Variants in RBMS1 observed in about 807,000 individuals in gnomAD.
RBMS1 encodes the protein RNA-binding motif, single-stranded-interacting protein 1.
A neutral mutation model predicts 62.3 loss-of-function variants in RBMS1; 17 were observed. The ratio of observed to expected loss-of-function variants is 0.27; its 90% CI spans 0.19 to 0.41. RBMS1 has a LOEUF of 0.41. Among genes scored for constraint, RBMS1 ranks in the 10% least tolerant of loss-of-function variants. RBMS1 has a pLI of 1.00. For synonymous variants in RBMS1, 172 were observed against 170.0 expected (o/e 1.01, Z -0.09); for missense variants, 334 against 504.5 (o/e 0.66, Z 3.24).
At chr2:160,456,705 T>C (rs548965484) in intron 1 of RBMS1, among the ~76,000 whole-genome samples, 2 of 152,368 alleles carry the variant, frequency 1.3e-5, no homozygotes, top group South Asian at 4.1e-4. Flanking sequence ...GAGCTGTTCC[T>C]ATTTCTTATA....
At position 160,300,674 on chromosome 2, in the gene RBMS1, A is replaced by G; in HGVS notation, c.617T>C (p.Ile206Thr). Residue 206 changes from isoleucine (I) to threonine (T), a missense_variant, in exon 6 of 14, where the codon ATT becomes ACT. Around this residue, in one of 3 missense-constraint regions of RBMS1, gnomAD observed 182 missense variants for 257.7 expected, o/e 0.71. Coordinates refer to ENST00000348849, the MANE Select transcript of RBMS1 (RefSeq NM_016836.4). Reference protein sequence around the residue: ...AVIGHFNGKFIKTPPGVSAPT... With the variant: ...AVIGHFNGKFTKTPPGVSAPT... ...ACCAGAAACTCCTGGTGGTGTCTTAATAAATTTTCCATTAAAATGACCAAT... is the reference window on the plus strand; with the variant it reads ...ACCAGAAACTCCTGGTGGTGTCTTAGTAAATTTTCCATTAAAATGACCAAT... The G allele has an allele frequency of 6.2e-7, 1 of 1,603,450 alleles. No individual in the cohort carries two copies. The highest frequency in any genetic ancestry group is 8.5e-7 in the Non-Finnish European group (1 of 1,175,886).
At chr2:160,335,677 A>T (rs1364463209) in intron 2 of RBMS1, among the ~76,000 whole-genome samples, 2 of 152,210 alleles carry the variant, frequency 1.3e-5, no homozygotes, top group Non-Finnish European at 2.9e-5. Context: ...TAGTCATGCC[A>T]ATTAAAAACT....
intron 1 of RBMS1, among the ~76,000 whole-genome samples, 154 bp downstream of exon 1, chr2:160,493,135 G>A (rs1574128973): frequency 6.6e-6 from 1 of 151,890 alleles, no homozygotes; most frequent in African/African-American, 2.4e-5. Flanking sequence ...GCGCCGCCCG[G>A]CTCTGCCCAG....
chr2:160,343,005 C>T (rs1464079811), intron 2 of RBMS1, among the ~76,000 whole-genome samples: 2 of 151,986 alleles, frequency 1.3e-5, no homozygotes, highest in African/African-American at 4.8e-5. Flanking sequence ...AATAAGGGAC[C>T]TATGAAGCCA....
rs1158075311 is a variant in RBMS1 at position 160,449,883 on chromosome 2, TGCTAAATGTG to T, written c.75+43396_75+43405del. 3.9e-5 allele frequency among the ~76,000 whole-genome samples: 6 copies of T among 152,230 alleles called. No homozygotes were observed. In the East Asian group the frequency reaches 1.2e-3, roughly 29 times the overall value. On this transcript the variant is annotated intron_variant, in intron 1 of 13. Transcript: ENST00000348849. ...TGGAAAGAATACCTGCCCTGCTTGG[TGCTAAATGTG>T]GCTCTCCCCTTCACCAAAGCTCATT...
At chr2:160,306,930 C>T (rs1337534389) in intron 4 of RBMS1, among the ~76,000 whole-genome samples, 1 of 152,076 alleles carries the variant, frequency 6.6e-6, no homozygotes. Flanking sequence ...AACACTTATT[C>T]TTTCAATTAT....
chr2:160,414,294 AGTTTTTTT>A (rs1427961211), intron 1 of RBMS1, among the ~76,000 whole-genome samples: 23 of 152,144 alleles, frequency 1.5e-4, no homozygotes, highest in South Asian at 8.3e-4. Flanking sequence ...TCTTTAAACC[AGTTTTTTT>A]GTTTTTTTGT....
chr2:160,449,341 T>C (rs1559564492), intron 1 of RBMS1, among the ~76,000 whole-genome samples: 2 of 152,188 alleles, frequency 1.3e-5, no homozygotes, highest in South Asian at 2.1e-4. Flanking sequence ...CAACAGCTCA[T>C]TGAGAATGGG....
chr2:160,323,868 C>G (rs1690735089), intron 2 of RBMS1, among the ~76,000 whole-genome samples: 1 of 152,156 alleles, frequency 6.6e-6, no homozygotes, highest in South Asian at 2.1e-4. Flanking sequence ...CCCAAGTGAG[C>G]TTGGCTAATA....
chr2:160,478,251 A>G (rs1036757315), intron 1 of RBMS1, among the ~76,000 whole-genome samples: 15 of 152,222 alleles, frequency 9.9e-5, no homozygotes, highest in African/African-American at 3.1e-4. Flanking sequence ...TCGAGAATTC[A>G]CCAGTTATGG....
chr2:160,333,422 G>C (rs1329554748), intron 2 of RBMS1, among the ~76,000 whole-genome samples: 1 of 152,070 alleles, frequency 6.6e-6, no homozygotes, highest in African/African-American at 2.4e-5. Context: ...GTTTTACCTG[G>C]GTCAGCCCCC....
chr2:160,308,258 G>C (rs1406691487), intron 4 of RBMS1, among the ~76,000 whole-genome samples: 1 of 152,042 alleles, frequency 6.6e-6, no homozygotes, highest in Admixed American at 6.5e-5. Flanking sequence ...AGCCAGGTGT[G>C]GTAGTGCGTG....
chr2:160,423,369 A>C (rs1045962254), intron 1 of RBMS1, among the ~76,000 whole-genome samples: 4 of 59,730 alleles, frequency 6.7e-5, no homozygotes, highest in Non-Finnish European at 1.0e-4. Context: ...TCTAAAAAAA[A>C]GCGGGGTGGG....
intron 6 of RBMS1, among the ~76,000 whole-genome samples, chr2:160,294,201 A>T (rs758529651): frequency 6.6e-6 from 1 of 152,252 alleles, no homozygotes; most frequent in Non-Finnish European, 1.5e-5. Flanking sequence ...TTTTTCCCCC[A>T]ACAAACTATA....
chr2:160,351,685 T>A (rs1269113505), intron 2 of RBMS1, among the ~76,000 whole-genome samples: 6 of 152,142 alleles, frequency 3.9e-5, no homozygotes, highest in Non-Finnish European at 1.5e-5. Context: ...CTGTTGTGCA[T>A]CCACTAATTT....
rs1690337597 is a variant in RBMS1 at position 160,318,229 on chromosome 2, T to TAAAAAAAAAAAAAAAAAAAAAAGA, written c.252-3_252-2insTCTTTTTTTTTTTTTTTTTTTTTT. 1.7e-6 allele frequency: 2 copies of TAAAAAAAAAAAAAAAAAAAAAAGA among 1,164,712 alleles called. No homozygotes were observed. Among genetic ancestry groups the TAAAAAAAAAAAAAAAAAAAAAAGA allele is most frequent in the Non-Finnish European group, 2.1e-6 (2 of 930,716 alleles). The allele number at this position is 1,164,712 out of a possible 1,614,324, so 72.1% of individuals were successfully genotyped here. On this transcript the variant is annotated splice_polypyrimidine_tract_variant and splice_region_variant and intron_variant, in intron 2 of 13. Coordinates refer to ENST00000348849, the MANE Select transcript of RBMS1 (RefSeq NM_016836.4). ...TTTGTGGAGACTATTTTCCCATATC[T>TAAAAAAAAAAAAAAAAAAAAAAGA]AAAAAAAAAAAAAAAAAAAAAAAGG...
At chr2:160,350,769 T>G (rs893903473) in intron 2 of RBMS1, among the ~76,000 whole-genome samples, 2 of 152,162 alleles carry the variant, frequency 1.3e-5, no homozygotes, top group Non-Finnish European at 2.9e-5. Context: ...GACATTTGGG[T>G]TGGTTCCAAG....
At chr2:160,284,172 A>AAAATC (rs1235633384) in intron 9 of RBMS1, 11 of 154,152 alleles carry the variant, frequency 7.1e-5, no homozygotes, top group Admixed American at 7.0e-4. Context: ...CCTTTGCATT[A>AAAATC]AAATCAAATC....
At chr2:160,328,714 G>A (rs188949480) in intron 2 of RBMS1, among the ~76,000 whole-genome samples, 37 of 152,196 alleles carry the variant, frequency 2.4e-4, no homozygotes, top group Non-Finnish European at 5.0e-4. Context: ...GGGGCGGAAC[G>A]TGTGCAAAAA....
Sources: allele counts gnomAD v4.1 joint callset (sites outside exome capture counted in the v4.1 genomes callset), GRCh38; gene constraint gnomAD v4.1.1; regional missense constraint gnomAD v4.1.1; transcripts MANE v1.5; gene names NCBI Gene and HGNC (gene_info 2026-07-23, HGNC 2026-07-21).